Variants in ETFA observed in about 807,000 individuals in gnomAD.
ETFA encodes the protein electron transfer flavoprotein subunit alpha, mitochondrial.
Under a neutral mutation model 46.2 loss-of-function variants are expected in ETFA, and 22 were observed. That is an observed-to-expected ratio of 0.48 (90% CI 0.34 to 0.68). ETFA has a LOEUF of 0.68. Among genes scored for constraint, ETFA ranks in the 30% least tolerant of loss-of-function variants. The pLI is 0.01. For missense variants in ETFA, 345 were observed against 401.1 expected (o/e 0.86, Z 1.19); for synonymous variants, 131 against 139.9 (o/e 0.94, Z 0.45).
intron 4 of ETFA, among the ~76,000 whole-genome samples, chr15:76,290,665 T>C (rs1465975993): frequency 6.6e-6 from 1 of 152,148 alleles, no homozygotes; most frequent in East Asian, 1.9e-4. Context: ...TAAAAGCTAC[T>C]ATTCACAAAA....
intron 1 of ETFA, among the ~76,000 whole-genome samples, chr15:76,303,315 A>C (rs1300120042): frequency 2.0e-5 from 3 of 152,158 alleles, no homozygotes; most frequent in Non-Finnish European, 2.9e-5. Flanking sequence ...CTCAAAAAAC[A>C]AACAAACAAA....
intron 8 of ETFA, among the ~76,000 whole-genome samples, chr15:76,282,724 T>C (rs2039667808): frequency 1.3e-5 from 2 of 152,216 alleles, no homozygotes; most frequent in Admixed American, 6.5e-5. Flanking sequence ...GAAAGTTATA[T>C]GTTAAAGTCT....
In ETFA at chr15:76,295,693, A is replaced by G. The variant is rs968067682; in HGVS notation, c.84T>C (p.His28=). 1.2e-6 allele frequency: 2 copies of G among 1,613,260 alleles called. No homozygotes were observed. Among genetic ancestry groups the G allele is most frequent in the Non-Finnish European group, 1.7e-6 (2 of 1,179,650 alleles). ...RFQSTLVIAE[H]ANDSLAPITL... ...TAATGGGTGCTAGGGAATCATTTGC[A>G]TGCTCAGCTATTACCAGGGTACTCT... Residue 28 remains histidine, a synonymous_variant, in exon 2 of 12, where the codon CAT becomes CAC. Transcript: ENST00000557943.
intron 9 of ETFA, chr15:76,259,547 C>T: frequency 9.7e-7 from 1 of 1,028,366 alleles, no homozygotes; most frequent in Non-Finnish European, 1.5e-6. Context: ...TCATGATCTC[C>T]CACATGGTCA....
chr15:76,302,797 T>A (rs964202779), intron 1 of ETFA, among the ~76,000 whole-genome samples: 1 of 152,170 alleles, frequency 6.6e-6, no homozygotes, highest in Non-Finnish European at 1.5e-5. Flanking sequence ...GTACTTTCCA[T>A]TGGATTTTGC....
At chr15:76,259,037 T>C (rs1050312734) in intron 9 of ETFA, 3 of 1,606,950 alleles carry the variant, frequency 1.9e-6, no homozygotes, top group Admixed American at 3.3e-5. Context: ...AAAGCCTCTG[T>C]GTCTCATTGA....
intron 8 of ETFA, among the ~76,000 whole-genome samples, chr15:76,279,970 C>T (rs779716042): frequency 6.0e-5 from 9 of 151,120 alleles, no homozygotes; most frequent in Non-Finnish European, 7.4e-5. Context: ...ACAATCATAA[C>T]ACAATACAGC....
chr15:76,258,901 T>C, intron 9 of ETFA: 1 of 916,078 alleles, frequency 1.1e-6, no homozygotes. Context: ...CCTTGCTGTC[T>C]GGGCTGAGGT....
At chr15:76,274,304 T>C in intron 9 of ETFA, 108 bp downstream of exon 9, 1 of 872,348 alleles carries the variant, frequency 1.1e-6, no homozygotes, top group Non-Finnish European at 1.9e-6. Flanking sequence ...ACTGGCTAAC[T>C]GCTCAGGAAC....
chr15:76,243,814 A>G (rs1412657107), intron 9 of ETFA, among the ~76,000 whole-genome samples: 1 of 105,962 alleles, frequency 9.4e-6, no homozygotes, highest in African/African-American at 2.6e-5. Flanking sequence ...AACAAAAACA[A>G]ACAAACAAAA....
chr15:76,216,840 CTTTTTTT>C (rs373144812), intron 11 of ETFA, among the ~76,000 whole-genome samples: 8 of 89,278 alleles, frequency 9.0e-5, no homozygotes, highest in East Asian at 3.2e-4. Context: ...TGCCTTTTGC[CTTTTTTT>C]TTTTTTTTTT....
chr15:76,225,767 T>G, intron 11 of ETFA, 82 bp downstream of exon 11: 1 of 887,422 alleles, frequency 1.1e-6, no homozygotes, highest in Non-Finnish European at 1.9e-6. Context: ...TGTTTTCTTT[T>G]AATAGCTTCA....
intron 5 of ETFA, 147 bp from the exon 6 acceptor site, chr15:76,286,628 G>T: frequency 1.5e-6 from 1 of 673,342 alleles, no homozygotes; most frequent in African/African-American, 1.8e-5. Flanking sequence ...AGGAAAAAAT[G>T]AACCATAACG....
intron 9 of ETFA, among the ~76,000 whole-genome samples, chr15:76,268,362 T>C (rs2039494748): frequency 6.6e-6 from 1 of 151,870 alleles, no homozygotes; most frequent in African/African-American, 2.4e-5. Flanking sequence ...ATGGACCGGG[T>C]TCCCCCAGTA....
intron 8 of ETFA, among the ~76,000 whole-genome samples, chr15:76,281,897 CTTTTTTTT>C (rs34309169): frequency 3.8e-5 from 3 of 78,094 alleles, no homozygotes; most frequent in African/African-American, 1.5e-4. Context: ...TACACGTATC[CTTTTTTTT>C]TTTTTTTTTT....
At chr15:76,256,262 GAA>G (rs59670988) in intron 9 of ETFA, among the ~76,000 whole-genome samples, 25 of 95,656 alleles carry the variant, frequency 2.6e-4, no homozygotes, top group South Asian at 3.8e-4. Flanking sequence ...CCGTCTCAAG[GAA>G]AAAAAAAAAA....
intron 8 of ETFA, among the ~76,000 whole-genome samples, chr15:76,283,272 G>A (rs1053927793): frequency 2.0e-5 from 3 of 151,986 alleles, no homozygotes; most frequent in Admixed American, 6.6e-5. Context: ...GTGCACTGTC[G>A]CCTCCACCTC....
intron 11 of ETFA, among the ~76,000 whole-genome samples, chr15:76,220,213 C>T (rs1222753592): frequency 2.0e-5 from 3 of 152,274 alleles, no homozygotes; most frequent in East Asian, 3.9e-4. Context: ...GCTATAGGTG[C>T]GTGCCACCAT....
chr15:76,292,347 A>G, intron 4 of ETFA, 84 bp downstream of exon 4: 1 of 956,070 alleles, frequency 1.0e-6, no homozygotes, highest in Non-Finnish European at 1.7e-6. Context: ...TGGCTACATA[A>G]ACAGTCTGTT....
Sources: gnomAD v4.1 joint callset for allele counts (sites outside exome capture counted in the v4.1 genomes callset) on GRCh38, gnomAD v4.1.1 for gene constraint, MANE v1.5 for transcripts, NCBI Gene and HGNC (gene_info 2026-07-23, HGNC 2026-07-21) for gene names.